Variants in ZNF142 observed in about 807,000 individuals in gnomAD.
ZNF142 encodes the protein zinc finger protein 142, also known as zinc finger protein 142 (clone pHZ-49).
Under a neutral mutation model 132.1 loss-of-function variants are expected in ZNF142, and 96 were observed. The ratio of observed to expected loss-of-function variants is 0.73; its 90% CI spans 0.62 to 0.86. The LOEUF (loss-of-function observed/expected upper bound fraction) is 0.86. Among genes scored for constraint, ZNF142 ranks in the 40% least tolerant of loss-of-function variants. The pLI, the probability that ZNF142 is intolerant of heterozygous loss-of-function variation, is 0.00. For synonymous variants in ZNF142, 842 were observed against 890.1 expected (o/e 0.95, Z 0.96); for missense variants, 2,163 against 2,336.2 (o/e 0.93, Z 1.53).
At chr2:218,655,960 T>C (rs949665073) in intron 4 of ZNF142, among the ~76,000 whole-genome samples, 190 bp downstream of exon 4, 7 of 152,202 alleles carry the variant, frequency 4.6e-5, no homozygotes, top group African/African-American at 1.7e-4. Flanking sequence ...AAAAGCTTGG[T>C]AGAAGGCTGT....
intron 7 of ZNF142, among the ~76,000 whole-genome samples, chr2:218,648,216 G>C (rs1307418198): frequency 6.6e-6 from 1 of 152,230 alleles, no homozygotes; most frequent in Non-Finnish European, 1.5e-5. Context: ...GGATGCCCAA[G>C]TTATAGAAGG....
Position 218,643,307 on chromosome 2 carries a change from G to C in ZNF142, c.3809C>G (p.Pro1270Arg), listed in dbSNP as rs371282409. Reference sequence around the variant, plus strand: ...GGGAGCAGAGTCCCCATTGCTCAACGGGGACACATCAGGCTGGGTCTGGGG... The same window carrying C: ...GGGAGCAGAGTCCCCATTGCTCAACCGGGACACATCAGGCTGGGTCTGGGG... ...GTPQTQPDVS[P>R]LSNGDSAPPK... The change falls in exon 9 of 11, where the codon CCG becomes CGG. Residue 1270 changes from proline (P) to arginine (R), a missense_variant. This residue lies in a region of ZNF142 where 809 missense variants were observed against 801.7 expected (regional missense o/e 1.01). Transcript: ENST00000411696. 1 of 1,614,176 alleles carries C rather than the reference G, an allele frequency of 6.2e-7. No homozygotes were observed.
chr2:218,646,145 G>A (rs772102169), intron 8 of ZNF142, 26 bp downstream of exon 8: 4 of 1,605,466 alleles, frequency 2.5e-6, no homozygotes, highest in African/African-American at 1.3e-5. Context: ...TTGGGATTGG[G>A]ACGGAGGCCT....
At chr2:218,647,123 TA>T (rs879886324) in intron 7 of ZNF142, among the ~76,000 whole-genome samples, 3 of 151,634 alleles carry the variant, frequency 2.0e-5, no homozygotes, top group Non-Finnish European at 2.9e-5. Flanking sequence ...GAGCACTTTG[TA>T]AAAAAATTCC....
rs149198998 is a variant in ZNF142, at chr2:218,644,258, T to G, written c.2858A>C (p.Glu953Ala). 1 of 1,614,012 alleles carries G rather than the reference T, an allele frequency of 6.2e-7. No homozygotes were observed. Among genetic ancestry groups the G allele is most frequent in the East Asian group, 2.2e-5 (1 of 44,864 alleles). ...TGGCTTTTCCAGAAGGGGATTTTCTTCAGCACTCAAGTCAGAAGTCCCAAT... is the reference window on the plus strand; with the variant it reads ...TGGCTTTTCCAGAAGGGGATTTTCTGCAGCACTCAAGTCAGAAGTCCCAAT... Reference protein sequence around the residue: ...EGIGTSDLSAEENPLLEKPVS... With the variant: ...EGIGTSDLSAAENPLLEKPVS... Residue 953 changes from glutamate to alanine, a missense_variant, in exon 9 of 11, where the codon GAA (glutamate) becomes GCA (alanine). Transcript: ENST00000411696. This position sits in a 1 kb window ranked among gnomAD's most constrained non-coding sequence, Gnocchi z 4.6.
In ZNF142 at chr2:218,642,118, C is replaced by G; in HGVS notation, c.4998G>C (p.Lys1666Asn). 1 of 1,614,144 alleles carries G rather than the reference C, an allele frequency of 6.2e-7. No individual in the cohort carries two copies. The highest frequency in any genetic ancestry group is 2.2e-5 in the East Asian group (1 of 44,876). Reference protein sequence around the residue: ...DCAYSTKNRQKITWHSRIHTG... With the variant: ...DCAYSTKNRQNITWHSRIHTG... ...TGTGGATGCGGCTGTGCCAGGTGAT[C>G]TTCTGTCGGTTCTTGGTGCTGTAAG... Residue 1666 changes from lysine (K) to asparagine (N), a missense_variant, in exon 9 of 11, where the codon AAG becomes AAC. Lys to Asn is a moderately conservative substitution (Grantham distance 94). Around this residue, in one of 7 missense-constraint regions of ZNF142, gnomAD observed 325 missense variants for 367.8 expected, o/e 0.88. Coordinates refer to ENST00000411696, the MANE Select transcript of ZNF142 (RefSeq NM_001379659.1). The surrounding 1 kb of genome is among the most constrained non-coding windows in gnomAD (Gnocchi z 4.6).
rs920856441 is a variant in ZNF142 at position 218,642,583 on chromosome 2, C to A, written c.4533G>T (p.Glu1511Asp). The A allele has an allele frequency of 4.4e-6, 7 of 1,605,392 alleles. No individual in the cohort carries two copies. The highest frequency in any genetic ancestry group is 1.4e-5 in the African/African-American group (1 of 72,080). The change falls in exon 9 of 11, where the codon GAG becomes GAT. Residue 1511 changes from glutamate (E) to aspartate (D), a missense_variant. Around this residue, in one of 7 missense-constraint regions of ZNF142, gnomAD observed 809 missense variants for 801.7 expected, o/e 1.01. Coordinates refer to ENST00000411696, the MANE Select transcript of ZNF142 (RefSeq NM_001379659.1). The surrounding 1 kb of genome is among the most constrained non-coding windows in gnomAD (Gnocchi z 4.6). The stretch of plus-strand genomic sequence containing the variant: ...GAGAGCCAGGGGCAGGCTGTGCAGG[C>A]TCGGGGTGTCGGCGCAGAGCATGCT... ...LKQHALRRHP[E>D]PAQPAPGSPA...
At position 218,633,448 on chromosome 2, in the gene ZNF142, T is replaced by C. The variant is rs748385605; in HGVS notation, c.*4891A>G. 2.3e-6 allele frequency: 2 copies of C among 884,278 alleles called. No homozygotes were observed. The highest frequency in any genetic ancestry group is 3.7e-6 in the Non-Finnish European group (2 of 546,404). 54.8% of individuals were successfully genotyped at this position (884,278 alleles called of 1,614,324 possible). On this transcript the variant is annotated 3_prime_UTR_variant, in exon 11 of 11. Transcript: ENST00000411696. ...GTCAGATTGTGGCCCAGGCTCCTAT[T>C]TCCAAGCCTGAGTCCCTTCTCTTGT...
In ZNF142 at chr2:218,642,787, C is replaced by T. The variant is rs1198289639; in HGVS notation, c.4329G>A (p.Leu1443=). Residue 1443 remains leucine (L), a synonymous_variant, in exon 9 of 11, where the codon CTG becomes CTA. Coordinates refer to ENST00000411696, the MANE Select transcript of ZNF142 (RefSeq NM_001379659.1). This position sits in a 1 kb window ranked among gnomAD's most constrained non-coding sequence, Gnocchi z 4.6. ...CATGTACCCTTAACCGGTGCAAGCG[C>T]AGTTTCGAGTTGGTACCAAACGTCT... ...CPQTFGTNSK[L]RLHRLRVHDK... is the part of the protein sequence containing the mutation. 1 of 1,614,168 alleles carries T rather than the reference C, an allele frequency of 6.2e-7. No homozygotes were observed. The highest frequency in any genetic ancestry group is 8.5e-7 in the Non-Finnish European group (1 of 1,180,046).
At position 218,649,025 on chromosome 2, in the gene ZNF142, A is replaced by T. The variant is rs777441614; in HGVS notation, c.1483T>A (p.Tyr495Asn). 1.2e-6 allele frequency: 2 copies of T among 1,612,852 alleles called. No homozygotes were observed. The highest frequency in any genetic ancestry group is 2.2e-5 in the South Asian group (2 of 91,090). Residue 495 changes from tyrosine (Y) to asparagine (N), a missense_variant, in exon 7 of 11, where the codon TAT (tyrosine) becomes AAT (asparagine). This residue lies in a region of ZNF142 where 749 missense variants were observed against 830.3 expected (regional missense o/e 0.90). Transcript: ENST00000411696. ...AAGGCCTTGCGGTCGGGTGCTGCAT[A>T]GCTGCAGCCCTCCTGAAAGCAGCGA... Reference protein sequence around the residue: ...PLRCFQEGCSYAAPDRKAFIK... With the variant: ...PLRCFQEGCSNAAPDRKAFIK...
At position 218,644,936 on chromosome 2, in the gene ZNF142, A is replaced by G. The variant is rs1697601448; in HGVS notation, c.2180T>C (p.Leu727Pro). The change falls in exon 9 of 11, where the codon CTG (leucine) becomes CCG (proline). Residue 727 changes from leucine to proline, a missense_variant. This residue lies in a region of ZNF142 where 749 missense variants were observed against 830.3 expected (regional missense o/e 0.90). Transcript: ENST00000411696. This position sits in a 1 kb window ranked among gnomAD's most constrained non-coding sequence, Gnocchi z 4.6. The part of the protein sequence containing the change: ...CAFACKRKYE[L>P]QKHMASQHHP... ...GTGCTGGGAAGCCATGTGCTTCTGCAGCTCATACTTCCGCTTGCAGGCGAA... is the reference window on the plus strand; with the variant it reads ...GTGCTGGGAAGCCATGTGCTTCTGCGGCTCATACTTCCGCTTGCAGGCGAA... The G allele has an allele frequency of 6.2e-7, 1 of 1,614,036 alleles. No individual in the cohort carries two copies. The highest frequency in any genetic ancestry group is 8.5e-7 in the Non-Finnish European group (1 of 1,180,032).
Position 218,659,183 on chromosome 2 carries a change from C to G in ZNF142, c.-361-53G>C, listed in dbSNP as rs1029078050. ...GTCCTGAGAGCAGCAGGTACCCGGG[C>G]GGGGTCCAGAACCGTGACGCGACTG... On this transcript the variant is annotated intron_variant, in intron 1 of 10. Transcript: ENST00000411696. The surrounding 1 kb of genome is among the most constrained non-coding windows in gnomAD (Gnocchi z 4.4). 1 of 152,290 alleles carries G rather than the reference C, an allele frequency of 6.6e-6. No homozygotes were observed. The highest frequency in any genetic ancestry group is 1.5e-5 in the Non-Finnish European group (1 of 68,124). 9.4% of individuals were successfully genotyped at this position (152,290 alleles called of 1,614,324 possible). A position where few individuals can be genotyped will look rare whatever the true frequency, so the allele number is the denominator to read the frequency against.
At chr2:218,648,467 C>T (rs1386295313) in intron 7 of ZNF142, among the ~76,000 whole-genome samples, 168 bp downstream of exon 7, 1 of 152,232 alleles carries the variant, frequency 6.6e-6, no homozygotes. Context: ...AGCTCTACTA[C>T]TTTACTAGCT....
At chr2:218,654,853 G>A (rs1336234576) in intron 4 of ZNF142, among the ~76,000 whole-genome samples, 1 of 152,088 alleles carries the variant, frequency 6.6e-6, no homozygotes, top group Non-Finnish European at 1.5e-5. Flanking sequence ...AGGAGGCCGA[G>A]GTGGGAAGAT....
chr2:218,638,477 C>A lies in ZNF142; in HGVS notation c.5526G>T (p.Arg1842Ser), dbSNP rs1696893736. The A allele has an allele frequency of 6.3e-7, 1 of 1,596,920 alleles. No individual in the cohort carries two copies. Residue 1842 changes from arginine (R) to serine (S), a missense_variant, in exon 11 of 11, where the codon AGG becomes AGT. Around this residue, in one of 7 missense-constraint regions of ZNF142, gnomAD observed 325 missense variants for 367.8 expected, o/e 0.88. Transcript: ENST00000411696. ...QKFQVVKHVR[R>S]HHPDQADPNQ... ...TTGGGTCGGCTTGGTCAGGGTGGTG[C>A]CTGCGTACGTGCTTGACCACCTGGA...
rs1697571442 is a variant in ZNF142, at chr2:218,644,642, G to A, written c.2474C>T (p.Pro825Leu). 6.2e-7 allele frequency: 1 copy of A among 1,614,246 alleles called. No homozygotes were observed. The highest frequency in any genetic ancestry group is 1.1e-5 in the South Asian group (1 of 91,092). ...EGAMQGPTPP[P>L]DSEPSNQLSA... ...CAGCTGGTTTGAGGGCTCTGAATCTGGTGGGGGTGTTGGGCCCTGCATGGC... is the reference window on the plus strand; with the variant it reads ...CAGCTGGTTTGAGGGCTCTGAATCTAGTGGGGGTGTTGGGCCCTGCATGGC... Residue 825 changes from proline (P) to leucine (L), a missense_variant, in exon 9 of 11, where the codon CCA becomes CTA. By Grantham distance (98) the Pro-to-Leu change is moderately conservative. This residue lies in a region of ZNF142 where 749 missense variants were observed against 830.3 expected (regional missense o/e 0.90). Transcript: ENST00000411696. The surrounding 1 kb of genome is among the most constrained non-coding windows in gnomAD (Gnocchi z 4.6).
In ZNF142 at chr2:218,635,928, A is replaced by G. The variant is rs781667898; in HGVS notation, c.*2411T>C. The G allele has an allele frequency of 2.2e-5, 35 of 1,613,878 alleles. No homozygotes were observed. The highest frequency in any genetic ancestry group is 7.6e-6 in the Non-Finnish European group (9 of 1,179,902). On this transcript the variant is annotated 3_prime_UTR_variant, in exon 11 of 11. Transcript: ENST00000411696. ...GCAGGAGACCAACTATGTGGAGAAC[A>G]ATGGTGAGAAACTGGCAGTGCTGGG...
rs543955232 is a variant in ZNF142 at position 218,634,560 on chromosome 2, G to A, written c.*3779C>T. On this transcript the variant is annotated 3_prime_UTR_variant, in exon 11 of 11. Transcript: ENST00000411696. This position sits in a 1 kb window ranked among gnomAD's most constrained non-coding sequence, Gnocchi z 4.0. ...TATGTGCTGAAGCCAGACTTCCTGC[G>A]TGATATCCAGAGTTCTTTCCACCCT... 534 of 1,614,016 alleles carry A rather than the reference G, an allele frequency of 3.3e-4. 9 individuals carry two copies. The South Asian group carries it at 5.4e-3, about 16-fold the overall frequency.
chr2:218,652,190 C>G lies in ZNF142; in HGVS notation c.391G>C (p.Val131Leu), dbSNP rs1371184919. Reference protein sequence around the residue: ...HQCSETHIQPVQGLSSPPCSV... With the variant: ...HQCSETHIQPLQGLSSPPCSV... ...CATGGGGGGCTAGAGAGGCCCTGCA[C>G]AGGCTGTATATGGGTCTCACTGCAC... Residue 131 changes from valine (V) to leucine (L), a missense_variant, in exon 5 of 11, where the codon GTG (valine) becomes CTG (leucine). Physicochemically the swap from Val to Leu is conservative, Grantham distance 32. Around this residue, in one of 7 missense-constraint regions of ZNF142, gnomAD observed 195 missense variants for 172.4 expected, o/e 1.13. Coordinates refer to ENST00000411696, the MANE Select transcript of ZNF142 (RefSeq NM_001379659.1). The G allele has an allele frequency of 2.2e-5, 10 of 456,218 alleles. No individual in the cohort carries two copies. Among genetic ancestry groups the G allele is most frequent in the Non-Finnish European group, 3.1e-5 (7 of 226,762 alleles). 28.3% of individuals were successfully genotyped at this position (456,218 alleles called of 1,614,324 possible). A position where few individuals can be genotyped will look rare whatever the true frequency, so the allele number is the denominator to read the frequency against.
Sources: gnomAD v4.1 joint callset for allele counts (sites outside exome capture counted in the v4.1 genomes callset) on GRCh38, gnomAD v4.1.1 for gene constraint, gnomAD v4.1.1 regional missense constraint, Gnocchi (gnomAD v3.1) non-coding constraint, MANE v1.5 for transcripts, NCBI Gene and HGNC (gene_info 2026-07-23, HGNC 2026-07-21) for gene names.